The following RRP12 variants were observed in gnomAD, a reference collection of about 807,000 sequenced individuals.
RRP12 encodes the protein ribosomal RNA processing 12 homolog, also known as RRP12-like protein.
Under a neutral mutation model 157.3 loss-of-function variants are expected in RRP12, and 78 were observed. That is an observed-to-expected ratio of 0.50 (90% confidence interval 0.41 to 0.60). The LOEUF (loss-of-function observed/expected upper bound fraction) is 0.60, where lower values mean the gene tolerates loss of function less well. Ranked by LOEUF, RRP12 falls within the 20% of genes least tolerant of loss-of-function variation. The pLI, the probability that RRP12 is intolerant of heterozygous loss-of-function variation, is 0.00. For synonymous variants in RRP12, 726 were observed against 670.9 expected (o/e 1.08, Z -1.27); for missense variants, 1,521 against 1,679.9 (o/e 0.91, Z 1.65).
chr10:97,390,306 A>G (rs1183751577), intron 6 of RRP12, 117 bp downstream of exon 6: 7 of 775,880 alleles, frequency 9.0e-6, no homozygotes, highest in Non-Finnish European at 1.6e-5. Context: ...AGCAGAAAGC[A>G]GAAGCCAGTA....
At chr10:97,372,275 G>A in intron 19 of RRP12, 109 bp from the exon 20 acceptor site, 1 of 723,472 alleles carries the variant, frequency 1.4e-6, no homozygotes, top group Non-Finnish European at 2.3e-6. Flanking sequence ...GTCAGGGTGA[G>A]GACAAGGGGC....
intron 33 of RRP12, among the ~76,000 whole-genome samples, chr10:97,357,962 CAA>C (rs1210048572): frequency 1.4e-4 from 11 of 77,704 alleles, no homozygotes; most frequent in Admixed American, 1.5e-4. Context: ...GACTCCGTCT[CAA>C]AAAAAAAAAA....
At chr10:97,395,707 C>T (rs1014447219) in intron 3 of RRP12, among the ~76,000 whole-genome samples, 2 of 151,740 alleles carry the variant, frequency 1.3e-5, no homozygotes, top group Non-Finnish European at 2.9e-5. Context: ...AAAAATAAGC[C>T]GGGTATGGTG....
chr10:97,371,446 GCT>G (rs1844151861), intron 20 of RRP12: 1 of 265,108 alleles, frequency 3.8e-6, no homozygotes, highest in Non-Finnish European at 7.3e-6. Context: ...CTCCAAACCA[GCT>G]CTCTGTCACA....
intron 24 of RRP12, 37 bp from the exon 25 acceptor site, chr10:97,369,619 G>A (rs1278598234): frequency 6.5e-7 from 1 of 1,543,604 alleles, no homozygotes; most frequent in Non-Finnish European, 8.8e-7. Flanking sequence ...AAGACACCCA[G>A]GACCCCACTC....
At chr10:97,356,671 C>A (rs911088421), downstream of RRP12, 1 of 164,376 alleles carries the variant, frequency 6.1e-6, no homozygotes, top group Non-Finnish European at 1.3e-5. Flanking sequence ...CTGGAGGGGG[C>A]AGACTATGAA....
At chr10:97,400,071 G>A (rs1024546925) in intron 2 of RRP12, among the ~76,000 whole-genome samples, 1 of 152,186 alleles carries the variant, frequency 6.6e-6, no homozygotes, top group Non-Finnish European at 1.5e-5. Context: ...GTATAGCTGA[G>A]GAGAGAAATG....
Position 97,400,543 on chromosome 10 carries a change from C to CAG in RRP12, c.140-11_140-10dup. 1 of 1,609,662 alleles carries CAG rather than the reference C, an allele frequency of 6.2e-7. No homozygotes were observed. The highest frequency in any genetic ancestry group is 8.5e-7 in the Non-Finnish European group (1 of 1,176,874). Reference sequence around the variant, plus strand: ...TGTCAGGTCACTCCTTCCTGAGAGCCAGAGGCACAAGATAAGGTCCAAGCC... The same window carrying CAG: ...TGTCAGGTCACTCCTTCCTGAGAGCCAGAGAGGCACAAGATAAGGTCCAAGCC... On this transcript the variant is annotated splice_polypyrimidine_tract_variant and intron_variant, in intron 1 of 33. Transcript: ENST00000370992.
chr10:97,378,727 G>C (rs1318786546), intron 15 of RRP12, among the ~76,000 whole-genome samples: 2 of 152,102 alleles, frequency 1.3e-5, no homozygotes, highest in Admixed American at 1.3e-4. Flanking sequence ...TGCAGTGGTG[G>C]GTGCCTGGAG....
intron 20 of RRP12, 107 bp from the exon 21 acceptor site, chr10:97,371,188 G>T: frequency 8.5e-7 from 1 of 1,171,902 alleles, no homozygotes; most frequent in Non-Finnish European, 1.2e-6. Flanking sequence ...GGTCCGTGGG[G>T]GCTCATGTGG....
chr10:97,373,795 G>A, intron 16 of RRP12, 35 bp downstream of exon 16: 1 of 1,613,370 alleles, frequency 6.2e-7, no homozygotes, highest in Non-Finnish European at 8.5e-7. Context: ...GCCCCTGTGT[G>A]CTTCTCCCCA....
Position 97,366,502 on chromosome 10 carries a change from C to A in RRP12, c.3335G>T (p.Gly1112Val). The part of the protein sequence containing the change: ...RQRSRAWLKE[G>V]GGDEPLNFLD... ...GAAGTTGAGGGGCTCGTCCCCACCG[C>A]CCTCTTTCAGCCATGCCCGGCTCCT... is the stretch of plus-strand genomic sequence containing the variant. The change falls in exon 28 of 34, where the codon GGC becomes GTC. Residue 1112 changes from glycine (G) to valine (V), a missense_variant. By Grantham distance (109) the Gly-to-Val change is moderately radical (BLOSUM62 -3). Transcript: ENST00000370992. 1 of 1,614,084 alleles carries A rather than the reference C, an allele frequency of 6.2e-7. No individual in the cohort carries two copies. The highest frequency in any genetic ancestry group is 2.2e-5 in the East Asian group (1 of 44,876).
chr10:97,385,866 T>A (rs770516087), intron 9 of RRP12, 29 bp downstream of exon 9: 2 of 1,511,364 alleles, frequency 1.3e-6, no homozygotes, highest in East Asian at 4.7e-5. Context: ...CCCGACCTAA[T>A]GCCCCCACAT....
In RRP12 at chr10:97,388,396, G is replaced by A; in HGVS notation, c.890-17C>T. 1 of 1,613,352 alleles carries A rather than the reference G, an allele frequency of 6.2e-7. No homozygotes were observed. The highest frequency in any genetic ancestry group is 8.5e-7 in the Non-Finnish European group (1 of 1,179,570). ...CCTTGGAGCCTGGTATACAGAAGAG[G>A]AATTGAGACACCAGCCCCGCCCTAC... On this transcript the variant is annotated splice_polypyrimidine_tract_variant and intron_variant, in intron 7 of 33. Transcript: ENST00000370992.
chr10:97,376,212 C>CTTTTTTT lies in RRP12; in HGVS notation c.1799-2325_1799-2319dup, dbSNP rs771016888. ...GGGAAGACTGAATGACTTTTACTTTCTTTTTTTTTTTTTTTTTTTTGAGAT... is the reference window on the plus strand; with the variant it reads ...GGGAAGACTGAATGACTTTTACTTTCTTTTTTTTTTTTTTTTTTTTTTTTTTTGAGAT... On this transcript the variant is annotated intron_variant, in intron 15 of 33. Coordinates refer to ENST00000370992, the MANE Select transcript of RRP12 (RefSeq NM_015179.4). 2.2e-3 allele frequency among the ~76,000 whole-genome samples: 235 copies of CTTTTTTT among 107,506 alleles called. 9 individuals carry two copies. The highest frequency in any genetic ancestry group is 3.0e-3 in the South Asian group (9 of 2,982). The allele number at this position is 107,506 out of a possible 152,430, so 70.5% of individuals were successfully genotyped here.
At chr10:97,385,080 C>CCA (rs1844585696) in intron 10 of RRP12, 86 bp downstream of exon 10, 1 of 441,546 alleles carries the variant, frequency 2.3e-6, no homozygotes, top group African/African-American at 6.7e-5. Context: ...GAGGACCCCC[C>CCA]ACCTCGGCAG....
At position 97,357,102 on chromosome 10, in the gene RRP12, G is replaced by A. The variant is rs371319861; in HGVS notation, c.3886C>T (p.Arg1296Ter). Reference sequence around the variant, plus strand: ...CCCAGGGGCCCTGGGCCTCAGGGTCGACGATCCTTTCTGCGGTTTTTGTGT... The same window carrying A: ...CCCAGGGGCCCTGGGCCTCAGGGTCAACGATCCTTTCTGCGGTTTTTGTGT... ...VGHKNRRKDR[R>*]P The change falls in exon 34 of 34, where the codon CGA becomes TGA. Residue 1296 changes from arginine to a stop codon, truncating the protein, a stop_gained. Transcript: ENST00000370992. LOFTEE classifies it high-confidence loss of function. 9.3e-6 allele frequency: 15 copies of A among 1,610,182 alleles called. No individual in the cohort carries two copies. The African/African-American group carries it at 1.2e-4, about 13-fold the overall frequency.
At chr10:97,395,853 A>T in intron 3 of RRP12, among the ~76,000 whole-genome samples, 1 of 58,342 alleles carries the variant, frequency 1.7e-5, no homozygotes, top group Non-Finnish European at 3.3e-5. Context: ...TCCGCCTCAA[A>T]AAAAAAAAAA....
chr10:97,389,212 G>C (rs978915945), intron 6 of RRP12, among the ~76,000 whole-genome samples: 5 of 152,064 alleles, frequency 3.3e-5, no homozygotes, highest in Non-Finnish European at 5.9e-5. Flanking sequence ...TCCTGCCTCC[G>C]CCTCCCGAGC....
Sources: gnomAD v4.1 joint callset for allele counts (sites outside exome capture counted in the v4.1 genomes callset) on GRCh38, gnomAD v4.1.1 for gene constraint, MANE v1.5 for transcripts, NCBI Gene and HGNC (gene_info 2026-07-23, HGNC 2026-07-21) for gene names.